Variants in CLASP1 observed in about 807,000 individuals in gnomAD.
CLASP1 encodes cytoplasmic linker associated protein 1, also known as CLIP-associating protein 1.
A neutral mutation model predicts 192.3 loss-of-function variants in CLASP1; 38 were observed. The ratio of observed to expected loss-of-function variants is 0.20; its 90% confidence interval spans 0.15 to 0.26. CLASP1 has a LOEUF of 0.26. Ranked by LOEUF, CLASP1 falls within the 10% of genes least tolerant of loss-of-function variation. The pLI is 1.00. For missense variants in CLASP1, 1,433 were observed against 1,932.5 expected, an observed-to-expected ratio of 0.74 and a Z score of 4.85; for synonymous variants, 691 against 712.8, an observed-to-expected ratio of 0.97 and a Z score of 0.49.
At chr2:121,369,236 G>C (rs1174124227) in intron 34 of CLASP1, among the ~76,000 whole-genome samples, 1 of 152,204 alleles carries the variant, frequency 6.6e-6, no homozygotes, top group Non-Finnish European at 1.5e-5. Flanking sequence ...CTTGAATCTA[G>C]TGGAGGTGCT....
chr2:121,357,223 T>C (rs942568596), intron 37 of CLASP1, among the ~76,000 whole-genome samples: 7 of 152,240 alleles, frequency 4.6e-5, no homozygotes, highest in Admixed American at 1.3e-4. Flanking sequence ...CTTCGGTGTA[T>C]TTAGAGAAAT....
chr2:121,359,751 T>G (rs1007725263), intron 37 of CLASP1, among the ~76,000 whole-genome samples: 1 of 152,200 alleles, frequency 6.6e-6, no homozygotes, highest in Non-Finnish European at 1.5e-5. Flanking sequence ...ATGAAAACAT[T>G]ATGTCTAAGC....
chr2:121,365,221 C>T (rs774748342), exon 36 of CLASP1: 6 of 1,613,802 alleles, frequency 3.7e-6, no homozygotes, highest in African/African-American at 1.3e-5. Flanking sequence ...TTCCTCCACT[C>T]GCTCATTGTG....
At chr2:121,611,165 T>A (rs1411526655) in intron 1 of CLASP1, among the ~76,000 whole-genome samples, 29 of 48,094 alleles carry the variant, frequency 6.0e-4, no homozygotes, top group Admixed American at 1.1e-3. Context: ...GAGGAGGAGT[T>A]GGAGGAGTTA....
intron 8 of CLASP1, among the ~76,000 whole-genome samples, chr2:121,496,004 G>C (rs1055120873): frequency 1.3e-5 from 2 of 152,186 alleles, no homozygotes; most frequent in African/African-American, 4.8e-5. Context: ...AAGCATTGCA[G>C]AGCAGGGCAC....
At chr2:121,439,910 A>T (rs1418718608) in intron 19 of CLASP1, among the ~76,000 whole-genome samples, 1 of 127,302 alleles carries the variant, frequency 7.9e-6, no homozygotes, top group Non-Finnish European at 1.6e-5. Flanking sequence ...CAGGGAGGGG[A>T]ATATCACACT....
chr2:121,603,729 A>G (rs1456653455), intron 2 of CLASP1, among the ~76,000 whole-genome samples: 3 of 152,246 alleles, frequency 2.0e-5, no homozygotes, highest in Non-Finnish European at 4.4e-5. Flanking sequence ...TGGAATATTA[A>G]TTAGCCATGA....
At chr2:121,513,501 T>C (rs1025032005) in intron 7 of CLASP1, among the ~76,000 whole-genome samples, 13 of 152,004 alleles carry the variant, frequency 8.6e-5, no homozygotes, top group Non-Finnish European at 1.5e-4. Flanking sequence ...ACTGAGAAGC[T>C]GGAAAAGGTG....
chr2:121,617,784 T>C (rs559514420), intron 1 of CLASP1, among the ~76,000 whole-genome samples: 6 of 152,302 alleles, frequency 3.9e-5, no homozygotes, highest in African/African-American at 1.4e-4. Flanking sequence ...CAATGCCTCT[T>C]GTCCCCTCAC....
chr2:121,372,572 A>G (rs2068977571), intron 34 of CLASP1, among the ~76,000 whole-genome samples: 1 of 152,216 alleles, frequency 6.6e-6, no homozygotes, highest in Non-Finnish European at 1.5e-5. Flanking sequence ...TTTCAAAGAG[A>G]GCATCTCCTT....
intron 2 of CLASP1, among the ~76,000 whole-genome samples, chr2:121,570,275 C>T (rs2059874018): frequency 6.6e-6 from 1 of 152,192 alleles, no homozygotes; most frequent in African/African-American, 2.4e-5. Flanking sequence ...TTGCTGGAGA[C>T]TATCACTAGG....
At chr2:121,491,929 C>A (rs1365697660) in intron 8 of CLASP1, among the ~76,000 whole-genome samples, 3 of 152,216 alleles carry the variant, frequency 2.0e-5, no homozygotes, top group South Asian at 2.1e-4. Flanking sequence ...GATATACAAA[C>A]CCTTGATAAA....
intron 7 of CLASP1, among the ~76,000 whole-genome samples, chr2:121,514,409 G>A (rs2094228547): frequency 6.6e-6 from 1 of 151,868 alleles, no homozygotes; most frequent in African/African-American, 2.4e-5. Context: ...CTTTCCCTAA[G>A]AGATTGTTTA....
intron 17 of CLASP1, 115 bp downstream of exon 17, chr2:121,448,838 A>AG (rs2084873887): frequency 4.0e-6 from 4 of 992,516 alleles, no homozygotes; most frequent in Non-Finnish European, 4.4e-6. Flanking sequence ...ACCTCAAGTA[A>AG]GGGGGCGTTT....
At chr2:121,641,472 T>C (rs2072062198) in intron 1 of CLASP1, among the ~76,000 whole-genome samples, 1 of 152,234 alleles carries the variant, frequency 6.6e-6, no homozygotes, top group Non-Finnish European at 1.5e-5. Flanking sequence ...CACATTCTGA[T>C]GTGGACAACT....
At chr2:121,638,504 G>A (rs184892038) in intron 1 of CLASP1, among the ~76,000 whole-genome samples, 8 of 151,900 alleles carry the variant, frequency 5.3e-5, no homozygotes, top group African/African-American at 1.9e-4. Flanking sequence ...TGAAAACAGA[G>A]ATTCAAACAG....
intron 1 of CLASP1, among the ~76,000 whole-genome samples, chr2:121,631,634 G>C (rs563430992): frequency 6.6e-6 from 1 of 152,088 alleles, no homozygotes; most frequent in South Asian, 2.1e-4. Flanking sequence ...TTGCAGGCCA[G>C]GCACAGTGGC....
chr2:121,343,538 A>C (rs1009251491), intron 39 of CLASP1, among the ~76,000 whole-genome samples: 9 of 152,356 alleles, frequency 5.9e-5, no homozygotes, highest in African/African-American at 2.2e-4. Flanking sequence ...CCCTGAGGAC[A>C]TTATGCTAAG....
At chr2:121,576,056 T>G (rs934470109) in intron 2 of CLASP1, among the ~76,000 whole-genome samples, 2 of 152,238 alleles carry the variant, frequency 1.3e-5, no homozygotes, top group East Asian at 3.8e-4. Flanking sequence ...CTGCAATTAT[T>G]ATTTGTATTT....
Sources: allele counts gnomAD v4.1 joint callset (sites outside exome capture counted in the v4.1 genomes callset), GRCh38; gene constraint gnomAD v4.1.1; transcripts MANE v1.5; gene names NCBI Gene and HGNC (gene_info 2026-07-23, HGNC 2026-07-21).